NTM: variants seen among roughly 807,000 people sequenced by gnomAD.
NTM encodes the protein IgLON family member 2.
In NTM, 13 loss-of-function variants were observed where a neutral mutation model predicts 42.1. The ratio of observed to expected loss-of-function variants is 0.31; its 90% confidence interval spans 0.20 to 0.49. NTM has a LOEUF of 0.49. Ranked by LOEUF, NTM falls within the 20% of genes least tolerant of loss-of-function variation. The pLI is 0.99. For synonymous variants in NTM, 187 were observed against 179.2 expected (o/e 1.04, Z -0.35); for missense variants, 373 against 452.8 (o/e 0.82, Z 1.60).
intron 4 of NTM, among the ~76,000 whole-genome samples, chr11:132,303,734 A>C (rs1339098833): frequency 1.4e-5 from 2 of 144,464 alleles, no homozygotes; most frequent in East Asian, 4.0e-4. Flanking sequence ...AAAAAAAACA[A>C]TCTGTGAAGA....
chr11:131,764,701 A>G (rs1201830194), intron 1 of NTM, among the ~76,000 whole-genome samples: 1 of 152,188 alleles, frequency 6.6e-6, no homozygotes, highest in Non-Finnish European at 1.5e-5. Context: ...TACATGGGGT[A>G]TAATTGATGC....
chr11:131,725,952 A>G (rs1342803249), intron 1 of NTM, among the ~76,000 whole-genome samples: 2 of 152,186 alleles, frequency 1.3e-5, no homozygotes, highest in African/African-American at 4.8e-5. Flanking sequence ...GTTACTAACC[A>G]GTCTCTGGGG....
chr11:131,898,014 C>T (rs1444978902), intron 1 of NTM, among the ~76,000 whole-genome samples: 3 of 152,078 alleles, frequency 2.0e-5, no homozygotes, highest in Non-Finnish European at 2.9e-5. Flanking sequence ...AACCAAGCAC[C>T]CTGGCTAATA....
At chr11:131,712,944 G>A (rs530473588) in intron 1 of NTM, among the ~76,000 whole-genome samples, 110 of 152,076 alleles carry the variant, frequency 7.2e-4, no homozygotes, top group Non-Finnish European at 1.4e-3. Context: ...AAGAAGGAAG[G>A]AAGAAGTAGA....
chr11:131,718,376 T>TTGTTTGTAGAAAA (rs2077950480), intron 1 of NTM, among the ~76,000 whole-genome samples: 1 of 152,200 alleles, frequency 6.6e-6, no homozygotes, highest in African/African-American at 2.4e-5. Flanking sequence ...TTCTACAAAT[T>TTGTTTGTAGAAAA]CAATGTGTTT....
At chr11:131,720,186 C>T (rs958960827) in intron 1 of NTM, among the ~76,000 whole-genome samples, 2 of 152,170 alleles carry the variant, frequency 1.3e-5, no homozygotes, top group African/African-American at 4.8e-5. Context: ...AGGTAGTGTG[C>T]TAGGTGCTTG....
At chr11:132,335,010 C>T (rs1332488155) in intron 8 of NTM, 36 bp from the exon 9 acceptor site, 2 of 1,601,376 alleles carry the variant, frequency 1.2e-6, no homozygotes, top group Non-Finnish European at 1.7e-6. Context: ...TCCATTTTCT[C>T]CCAGACCACT....
intron 1 of NTM, 152 bp from the exon 2 acceptor site, chr11:131,911,412 C>T (rs1487945593): frequency 1.1e-4 from 179 of 1,604,900 alleles, no homozygotes; most frequent in Non-Finnish European, 1.3e-4. Flanking sequence ...ACCCCACCCA[C>T]TTCCTGTGCT....
intron 5 of NTM, 32 bp from the exon 6 acceptor site, chr11:132,310,080 G>GA (rs1263275198): frequency 6.4e-7 from 1 of 1,551,018 alleles, no homozygotes; most frequent in Non-Finnish European, 8.6e-7. Context: ...AAAAAGGTGG[G>GA]GGGGCGGCTA....
At chr11:131,609,607 C>A (rs897504908) in intron 1 of NTM, among the ~76,000 whole-genome samples, 1 of 152,226 alleles carries the variant, frequency 6.6e-6, no homozygotes, top group South Asian at 2.1e-4. Context: ...GAAAAGCAGA[C>A]TGTGGTTTGC....
chr11:131,699,409 T>C (rs961206199), intron 1 of NTM, among the ~76,000 whole-genome samples: 11 of 152,146 alleles, frequency 7.2e-5, no homozygotes, highest in Non-Finnish European at 1.5e-4. Context: ...AGTGAGTAAG[T>C]GCTATGATAG....
At position 131,751,764 on chromosome 11, in the gene NTM, C is replaced by A. The variant is rs561428593; in HGVS notation, c.83-159800C>A. ...ACAGAGCAAGATTCCGTCCCCCCCT[C>A]ACCCCCCCCCAAAATATATACTTAT... On this transcript the variant is annotated intron_variant, in intron 1 of 8. Coordinates refer to ENST00000683400, the MANE Select transcript of NTM (RefSeq NM_001352005.2). 1.3e-4 allele frequency among the ~76,000 whole-genome samples: 17 copies of A among 134,040 alleles called. No homozygotes were observed. In the East Asian group the frequency reaches 3.6e-3, roughly 28 times the overall value. The allele number at this position is 134,040 out of a possible 152,430, so 87.9% of individuals were successfully genotyped here.
rs114492074 is a variant in NTM, at chr11:132,176,295, A to G, written c.400+29781A>G. On this transcript the variant is annotated intron_variant, in intron 3 of 8. Coordinates refer to ENST00000683400, the MANE Select transcript of NTM (RefSeq NM_001352005.2). The stretch of plus-strand genomic sequence containing the variant: ...CAAGACCAGGTGGTAAAAAGTAGGC[A>G]TTTCTAAAAGATGGGTTTGGTCAAG... Among the ~76,000 whole-genome samples the G allele has an allele frequency of 8.2e-3, 1,238 of 151,892 alleles. 10 individuals carry two copies. Among genetic ancestry groups the G allele is most frequent in the Middle Eastern group, 0.034 (10 of 294 alleles).
intron 6 of NTM, among the ~76,000 whole-genome samples, chr11:132,310,465 C>CT (rs1029149452): frequency 2.6e-5 from 4 of 152,224 alleles, no homozygotes; most frequent in South Asian, 2.1e-4. Flanking sequence ...TGAAAGGTAA[C>CT]TTTTTTTAGG....
At chr11:131,826,850 T>C (rs1476372708) in intron 1 of NTM, among the ~76,000 whole-genome samples, 2 of 152,078 alleles carry the variant, frequency 1.3e-5, no homozygotes, top group African/African-American at 4.8e-5. Context: ...AGTTTCTTCC[T>C]GTAGGAGTAG....
At chr11:131,714,815 T>C (rs946383045) in intron 1 of NTM, among the ~76,000 whole-genome samples, 4 of 152,138 alleles carry the variant, frequency 2.6e-5, no homozygotes, top group Non-Finnish European at 5.9e-5. Context: ...CTTCCTCCCA[T>C]TCTACAGAGG....
chr11:131,727,237 A>G (rs1406216195), intron 1 of NTM, among the ~76,000 whole-genome samples: 1 of 145,100 alleles, frequency 6.9e-6, no homozygotes, highest in African/African-American at 2.9e-5. Flanking sequence ...CAAAAGCAAC[A>G]AGTTTATATA....
At chr11:132,174,562 A>T (rs563479484) in intron 3 of NTM, among the ~76,000 whole-genome samples, 1 of 152,128 alleles carries the variant, frequency 6.6e-6, no homozygotes, top group African/African-American at 2.4e-5. Flanking sequence ...TCTCCCTCTT[A>T]TGGAGGGGGC....
chr11:131,849,761 G>T (rs983937937), intron 1 of NTM, among the ~76,000 whole-genome samples: 1 of 149,710 alleles, frequency 6.7e-6, no homozygotes, highest in African/African-American at 2.5e-5. Context: ...TCTGGTTGCC[G>T]GTTAAGACCT....
Sources: allele counts gnomAD v4.1 joint callset (sites outside exome capture counted in the v4.1 genomes callset), GRCh38; gene constraint gnomAD v4.1.1; transcripts MANE v1.5; gene names NCBI Gene and HGNC (gene_info 2026-07-23, HGNC 2026-07-21).